Variants in ATRX observed in about 807,000 individuals in gnomAD.
ATRX encodes ATRX chromatin remodeler, also known as chromatin remodeler ATRX.
A neutral mutation model predicts 172.6 loss-of-function variants in ATRX; 12 were observed. The observed-to-expected ratio is 0.07, with a 90% CI of 0.04 to 0.11. ATRX has a LOEUF of 0.11. ATRX is among the 10% of genes least tolerant of loss of function. ATRX has a pLI of 1.00. For missense variants in ATRX, 1,368 were observed against 1,767.4 expected (o/e 0.77, Z 4.05); for synonymous variants, 674 against 594.7 (o/e 1.13, Z -1.94).
chrX:77,695,072 A>C (rs1256845836), intron 5 of ATRX, among the ~76,000 whole-genome samples: 2 of 109,372 alleles, frequency 1.8e-5, no homozygotes, highest in Non-Finnish European at 3.8e-5. Flanking sequence ...AAAAAAAAAA[A>C]AAAACTGAAT....
At chrX:77,782,282 T>C (rs782159228) in intron 1 of ATRX, among the ~76,000 whole-genome samples, 17 of 112,396 alleles carry the variant, frequency 1.5e-4, no homozygotes, top group Non-Finnish European at 5.6e-5. Context: ...AACTACCACC[T>C]TAACAGATAC....
chrX:77,633,833 C>G, intron 17 of ATRX, 121 bp from the exon 18 acceptor site: 2 of 742,358 alleles, frequency 2.7e-6, no homozygotes. Context: ...AATTTCCAAA[C>G]CAGGCAAGGC....
chrX:77,511,419 A>G lies in ATRX; in HGVS notation c.7201-2790T>C, dbSNP rs782255059. Among the ~76,000 whole-genome samples, 7 of 111,636 alleles carry G rather than the reference A, an allele frequency of 6.3e-5. No individual in the cohort carries two copies. In the Admixed American group the frequency reaches 6.7e-4, roughly 11 times the overall value. ...GCCCAGACACGAATCAATGTCCACA[A>G]CCATCAAGACCATCCAGGAAACACG... On this transcript the variant is annotated intron_variant, in intron 34 of 34. Transcript: ENST00000373344.
chrX:77,767,992 C>T (rs1420347543), intron 1 of ATRX, among the ~76,000 whole-genome samples: 1 of 111,573 alleles, frequency 9.0e-6, no homozygotes, highest in Non-Finnish European at 1.9e-5. Flanking sequence ...AATATCACTA[C>T]AGATTAAAAG....
Position 77,507,239 on chromosome X carries a change from A to G in ATRX, c.*1112T>C, listed in dbSNP as rs781972993. The G allele has an allele frequency of 4.7e-5, 8 of 171,802 alleles. No individual in the cohort carries two copies. The highest frequency in any genetic ancestry group is 8.9e-5 in the Non-Finnish European group (8 of 90,133). The allele number at this position is 171,802 out of a possible 1,213,427, so 14.2% of individuals were successfully genotyped here. A position where few individuals can be genotyped will look rare whatever the true frequency, so the allele number is the denominator to read the frequency against. ...AAAAAATGTAAGGAAACTGGGGTAA[A>G]AGAACATGATGATGAGAGAAAAGAA... On this transcript the variant is annotated 3_prime_UTR_variant, in exon 35 of 35. Transcript: ENST00000373344.
intron 1 of ATRX, among the ~76,000 whole-genome samples, chrX:77,779,675 C>T (rs2076499365): frequency 8.9e-6 from 1 of 112,326 alleles, no homozygotes; most frequent in African/African-American, 3.2e-5. Context: ...ATTTTATTAC[C>T]TTTGGCATAA....
chrX:77,644,968 GA>G (rs1159288362), intron 15 of ATRX, among the ~76,000 whole-genome samples: 5 of 110,958 alleles, frequency 4.5e-5, no homozygotes, highest in African/African-American at 1.6e-4. Flanking sequence ...ACAAACTGTC[GA>G]AGGCCAAAGA....
At chrX:77,557,689 T>C (rs781971485) in intron 29 of ATRX, 44 bp from the exon 30 acceptor site, 2 of 1,094,909 alleles carry the variant, frequency 1.8e-6, no homozygotes, top group African/African-American at 3.7e-5. Flanking sequence ...TAAAATTTTG[T>C]AAGCATGAAA....
At chrX:77,521,221 C>T (rs2063220082) in intron 33 of ATRX, 182 bp downstream of exon 33, 1 of 452,524 alleles carries the variant, frequency 2.2e-6, no homozygotes, top group East Asian at 3.8e-5. Context: ...CCATTTCTCT[C>T]TTGTGCCAAC....
At chrX:77,615,840 G>T in intron 22 of ATRX, 1 of 383,964 alleles carries the variant, frequency 2.6e-6, no homozygotes, top group Non-Finnish European at 3.3e-6. Flanking sequence ...ATCAATTACT[G>T]TATTCACAAT....
Position 77,536,956 on chromosome X carries a change from T to C in ATRX, c.6700-13555A>G, listed in dbSNP as rs1010509132. On this transcript the variant is annotated intron_variant, in intron 30 of 34. Transcript: ENST00000373344. ...GCTCTGGAATACTGCTCTCTAATAG[T>C]ACTCTCTGCAACGATGGAAATGTTC... is the stretch of plus-strand genomic sequence containing the variant. Among the ~76,000 whole-genome samples the C allele has an allele frequency of 6.2e-5, 7 of 112,209 alleles. No individual in the cohort carries two copies. The South Asian group carries it at 2.6e-3, about 42-fold the overall frequency.
rs200112321 is a variant in ATRX, at chrX:77,675,784, ATC to A, written c.3809+440_3809+441del. On this transcript the variant is annotated intron_variant, in intron 10 of 34. Coordinates refer to ENST00000373344, the MANE Select transcript of ATRX (RefSeq NM_000489.6). ...TTTCTTAATCTTAAATATCTGAGTA[ATC>A]TCTCTTTTTGTTTCTTCTCAACAGG... The A allele has an allele frequency of 5.9e-3, 706 of 118,948 alleles. 1 individual carries two copies. Among genetic ancestry groups the A allele is most frequent in the Admixed American group, 0.011 (131 of 11,839 alleles). The allele number at this position is 118,948 out of a possible 1,213,427, so 9.8% of individuals were successfully genotyped here.
chrX:77,593,243 A>AAG, intron 26 of ATRX, among the ~76,000 whole-genome samples: 1 of 109,155 alleles, frequency 9.2e-6, no homozygotes, highest in South Asian at 3.9e-4. Context: ...AAAAAAAAAA[A>AAG]AAGAAGAAGA....
intron 15 of ATRX, among the ~76,000 whole-genome samples, chrX:77,638,391 T>C (rs1469272945): frequency 8.8e-6 from 1 of 112,996 alleles, no homozygotes; most frequent in Non-Finnish European, 1.9e-5. Context: ...GAGAATCGCT[T>C]GAACCTGAGA....
rs2148625660 is a variant in ATRX at position 77,683,934 on chromosome X, G to C, written c.1322C>G (p.Thr441Arg). ...EHKVIDAKFE[T>R]KARKGEKPCA... ...AGGTTTTTCTCCTTTTCGTGCTTTT[G>C]TTTCAAACTTAGCATCTATGACTTT... Residue 441 changes from threonine to arginine, a missense_variant, in exon 9 of 35, where the codon ACA (threonine) becomes AGA (arginine). Around this residue, in one of 17 missense-constraint regions of ATRX, gnomAD observed 843 missense variants for 643.1 expected, o/e 1.31. Coordinates refer to ENST00000373344, the MANE Select transcript of ATRX (RefSeq NM_000489.6). 6 of 1,209,892 alleles carry C rather than the reference G, an allele frequency of 5.0e-6. No individual in the cohort carries two copies. The highest frequency in any genetic ancestry group is 6.7e-6 in the Non-Finnish European group (6 of 894,292).
rs180864174 is a variant in ATRX, at chrX:77,608,964, C to G, written c.5566+7649G>C. Among the ~76,000 whole-genome samples, 24 of 111,927 alleles carry G rather than the reference C, an allele frequency of 2.1e-4. 1 individual carries two copies. In the East Asian group the frequency reaches 6.7e-3, roughly 31 times the overall value. The stretch of plus-strand genomic sequence containing the variant: ...TAGACATTTCTCAAAAGAAGACATG[C>G]AAATGGAAAATAGGTATAAGAAAAG... On this transcript the variant is annotated intron_variant, in intron 22 of 34. Transcript: ENST00000373344.
chrX:77,555,590 C>CA (rs2064744243), intron 30 of ATRX, among the ~76,000 whole-genome samples: 1 of 110,845 alleles, frequency 9.0e-6, no homozygotes, highest in Admixed American at 9.6e-5. Context: ...TCATCCTCAG[C>CA]AAACTAACAC....
intron 5 of ATRX, among the ~76,000 whole-genome samples, chrX:77,694,803 GGGCTTT>G (rs1171176263): frequency 2.0e-5 from 2 of 102,009 alleles, no homozygotes; most frequent in African/African-American, 7.2e-5. Context: ...TAGTCACCAG[GGGCTTT>G]CTCTGAAATA....
At chrX:77,552,013 CTG>C (rs1296541586) in intron 30 of ATRX, among the ~76,000 whole-genome samples, 1 of 111,629 alleles carries the variant, frequency 9.0e-6, no homozygotes, top group Non-Finnish European at 1.9e-5. Context: ...CACTTTTACA[CTG>C]TTGGTGGGAC....
Sources: allele counts gnomAD v4.1 joint callset (sites outside exome capture counted in the v4.1 genomes callset), GRCh38; gene constraint gnomAD v4.1.1; regional missense constraint gnomAD v4.1.1; transcripts MANE v1.5; gene names NCBI Gene and HGNC (gene_info 2026-07-23, HGNC 2026-07-21).